The following MYRIP variants were observed in gnomAD, a reference collection of about 807,000 sequenced individuals.
MYRIP encodes rab effector MyRIP.
In MYRIP, 49 loss-of-function variants were observed where a neutral mutation model predicts 98.0. That is an observed-to-expected ratio of 0.50 (90% confidence interval 0.40 to 0.63). The LOEUF is 0.63. MYRIP is among the 30% of genes least tolerant of loss of function. MYRIP has a pLI of 0.00. For synonymous variants in MYRIP, 404 were observed against 409.5 expected, an observed-to-expected ratio of 0.99 and a Z score of 0.16; for missense variants, 1,004 against 1,058.2, an observed-to-expected ratio of 0.95 and a Z score of 0.71.
At chr3:40,058,858 T>A (rs28401712) in intron 3 of MYRIP, among the ~76,000 whole-genome samples, 1 of 151,720 alleles carries the variant, frequency 6.6e-6, no homozygotes, top group South Asian at 2.1e-4. Flanking sequence ...TAGGTATATA[T>A]GTGCCATGGT....
intron 1 of MYRIP, among the ~76,000 whole-genome samples, chr3:39,891,483 A>G (rs1943486425): frequency 6.6e-6 from 1 of 152,166 alleles, no homozygotes; most frequent in Non-Finnish European, 1.5e-5. Context: ...CTTTCAGATT[A>G]TTTCCAGGTA....
chr3:40,225,544 A>G (rs576929657), intron 11 of MYRIP, among the ~76,000 whole-genome samples: 1 of 152,314 alleles, frequency 6.6e-6, no homozygotes, highest in African/African-American at 2.4e-5. Flanking sequence ...TGCTGGTGTG[A>G]CAAGTGCGGA....
rs369192265 is a variant in MYRIP, at chr3:39,868,656, C to T, written c.-30-32131C>T. On this transcript the variant is annotated intron_variant, in intron 1 of 16. Coordinates refer to ENST00000302541, the MANE Select transcript of MYRIP (RefSeq NM_015460.4). ...CCTTTGACATCTGGAGACTTGCTGA[C>T]CCTAAAGGGTCTGCTCCTTCAAGAA... Among the ~76,000 whole-genome samples the T allele has an allele frequency of 5.7e-4, 87 of 152,258 alleles. 2 individuals are homozygous for T. The Middle Eastern group carries it at 0.014, about 24-fold the overall frequency.
intron 2 of MYRIP, among the ~76,000 whole-genome samples, chr3:39,982,157 T>C (rs1945911476): frequency 6.6e-6 from 1 of 152,226 alleles, no homozygotes; most frequent in African/African-American, 2.4e-5. Flanking sequence ...TCCTACTTAT[T>C]ATCAAGATAC....
At chr3:39,829,840 A>G (rs376036173) in intron 1 of MYRIP, among the ~76,000 whole-genome samples, 1 of 152,112 alleles carries the variant, frequency 6.6e-6, no homozygotes, top group Non-Finnish European at 1.5e-5. Context: ...CAAACTCACA[A>G]TTTCTCTGAG....
chr3:39,891,189 T>C (rs889976960), intron 1 of MYRIP, among the ~76,000 whole-genome samples: 6 of 152,286 alleles, frequency 3.9e-5, no homozygotes, highest in African/African-American at 1.4e-4. Context: ...TCAGCCTGTT[T>C]TTTTTTAAGC....
rs73827184 is a variant in MYRIP at position 40,258,518 on chromosome 3, T to C, written c.*352T>C. 5.7e-3 allele frequency: 1,339 copies of C among 234,194 alleles called. 12 individuals carry two copies. The highest frequency in any genetic ancestry group is 0.028 in the African/African-American group (1,258 of 45,740). The allele number at this position is 234,194 out of a possible 1,614,324, so 14.5% of individuals were successfully genotyped here. A position where few individuals can be genotyped will look rare whatever the true frequency, so the allele number is the denominator to read the frequency against. ...TTTTTTTAAATACATTTGATTCAGC[T>C]AGTATTCCATGTCAACAATTTGTCC... On this transcript the variant is annotated 3_prime_UTR_variant, in exon 17 of 17. Transcript: ENST00000302541.
intron 3 of MYRIP, among the ~76,000 whole-genome samples, chr3:40,141,939 G>A (rs1949904540): frequency 6.6e-6 from 1 of 151,752 alleles, no homozygotes; most frequent in South Asian, 2.1e-4. Flanking sequence ...ATAATTTGTG[G>A]TTCCATACAA....
intron 3 of MYRIP, among the ~76,000 whole-genome samples, chr3:40,094,333 A>AAG (rs55715791): frequency 0.094 from 14,377 of 152,244 alleles, 764 homozygotes; most frequent in East Asian, 0.22. Flanking sequence ...AATGGAGACT[A>AAG]AGAGGCTGAG....
chr3:40,068,239 C>T (rs1240051937), intron 3 of MYRIP, among the ~76,000 whole-genome samples: 1 of 152,206 alleles, frequency 6.6e-6, no homozygotes, highest in African/African-American at 2.4e-5. Flanking sequence ...CACAAAATTA[C>T]ATGAACTTAT....
At chr3:40,133,935 T>C (rs1177648915) in intron 3 of MYRIP, among the ~76,000 whole-genome samples, 3 of 152,126 alleles carry the variant, frequency 2.0e-5, no homozygotes, top group Non-Finnish European at 4.4e-5. Context: ...ACAGTTCCAG[T>C]CTACAGCTCC....
chr3:39,817,002 A>G (rs550191945), intron 1 of MYRIP, among the ~76,000 whole-genome samples: 1 of 152,348 alleles, frequency 6.6e-6, no homozygotes, highest in South Asian at 2.1e-4. Flanking sequence ...GTGATGTCTT[A>G]AGATAGCACT....
chr3:40,026,397 G>T (rs796456606), intron 2 of MYRIP, among the ~76,000 whole-genome samples: 21 of 152,106 alleles, frequency 1.4e-4, no homozygotes, highest in African/African-American at 5.1e-4. Flanking sequence ...TTTACAATCA[G>T]ATTTCATGTT....
chr3:40,033,932 T>A (rs994002038), intron 2 of MYRIP, among the ~76,000 whole-genome samples: 5 of 152,050 alleles, frequency 3.3e-5, no homozygotes, highest in Non-Finnish European at 5.9e-5. Context: ...TCTACAACTA[T>A]CTGATCTTTG....
At chr3:40,077,560 G>A (rs1948374472) in intron 3 of MYRIP, among the ~76,000 whole-genome samples, 2 of 152,268 alleles carry the variant, frequency 1.3e-5, no homozygotes, top group African/African-American at 4.8e-5. Context: ...TAGATACAGA[G>A]TGTCAATTGG....
intron 2 of MYRIP, among the ~76,000 whole-genome samples, chr3:40,007,599 G>A (rs1172312386): frequency 6.6e-6 from 1 of 152,200 alleles, no homozygotes; most frequent in African/African-American, 2.4e-5. Flanking sequence ...TGTGTGCCGA[G>A]TATCTAATGT....
At position 40,189,750 on chromosome 3, in the gene MYRIP, G is replaced by T. The variant is rs572955821; in HGVS notation, c.1028-76G>T. The T allele has an allele frequency of 5.8e-4, 843 of 1,453,768 alleles. 2 individuals carry two copies. The highest frequency in any genetic ancestry group is 1.8e-3 in the South Asian group (133 of 75,124). The allele number at this position is 1,453,768 out of a possible 1,614,324, so 90.1% of individuals were successfully genotyped here. A position where few individuals can be genotyped will look rare whatever the true frequency, so the allele number is the denominator to read the frequency against. Reference sequence around the variant, plus strand: ...AGCCCCACAAGCCACTCTTGGGGAGGTAACAAGTGGCAACTTCATCTTGCA... The same window carrying T: ...AGCCCCACAAGCCACTCTTGGGGAGTTAACAAGTGGCAACTTCATCTTGCA... On this transcript the variant is annotated intron_variant, in intron 9 of 16. Transcript: ENST00000302541.
intron 10 of MYRIP, among the ~76,000 whole-genome samples, chr3:40,199,375 T>A (rs1209549807): frequency 6.6e-6 from 1 of 152,214 alleles, no homozygotes; most frequent in African/African-American, 2.4e-5. Flanking sequence ...CTGTCCGGGC[T>A]GCTCCAGGAT....
At chr3:39,978,013 A>G (rs993741991) in intron 2 of MYRIP, among the ~76,000 whole-genome samples, 2 of 104,002 alleles carry the variant, frequency 1.9e-5, no homozygotes, top group Non-Finnish European at 3.3e-5. Context: ...TTTATCAACA[A>G]AAAAAAAGAC....
Sources: allele counts gnomAD v4.1 joint callset (sites outside exome capture counted in the v4.1 genomes callset), GRCh38; gene constraint gnomAD v4.1.1; transcripts MANE v1.5; gene names NCBI Gene and HGNC (gene_info 2026-07-23, HGNC 2026-07-21).